The following POLR2B variants were observed in gnomAD, a reference collection of about 807,000 sequenced individuals.
POLR2B encodes the protein DNA-directed RNA polymerase II subunit RPB2.
In POLR2B, 57 loss-of-function variants were observed where a neutral mutation model predicts 144.6. That is an observed-to-expected ratio of 0.39 (90% CI 0.32 to 0.49). The LOEUF (loss-of-function observed/expected upper bound fraction) is 0.49. POLR2B is among the 20% of genes least tolerant of loss of function. The pLI is 0.83. For missense variants in POLR2B, 595 were observed against 1,467.4 expected (o/e 0.41, Z 9.71); for synonymous variants, 442 against 469.8 (o/e 0.94, Z 0.77).
intron 13 of POLR2B, 58 bp downstream of exon 13, chr4:57,011,158 C>G (rs1723176174): frequency 4.8e-6 from 5 of 1,039,678 alleles, no homozygotes; most frequent in Non-Finnish European, 7.6e-6. Context: ...AGGCATAGGA[C>G]TAGTGAAAGT....
At chr4:57,003,155 G>A (rs1722905376) in intron 7 of POLR2B, among the ~76,000 whole-genome samples, 1 of 152,122 alleles carries the variant, frequency 6.6e-6, no homozygotes, top group Admixed American at 6.6e-5. Context: ...CTTTGGGCTG[G>A]GTGCGGTGGC....
intron 7 of POLR2B, among the ~76,000 whole-genome samples, chr4:57,000,870 A>G (rs1047304823): frequency 1.3e-5 from 2 of 151,864 alleles, no homozygotes; most frequent in Admixed American, 1.3e-4. Context: ...TAATTTTTGT[A>G]TTTTTAGTAG....
At chr4:57,024,331 A>ATAGT (rs112938173) in intron 21 of POLR2B, among the ~76,000 whole-genome samples, 6 of 151,910 alleles carry the variant, frequency 3.9e-5, no homozygotes, top group Non-Finnish European at 8.8e-5. Flanking sequence ...CATTCAACTA[A>ATAGT]TACATATGTG....
At chr4:57,026,599 C>T (rs1279956292) in intron 23 of POLR2B, among the ~76,000 whole-genome samples, 1 of 151,804 alleles carries the variant, frequency 6.6e-6, no homozygotes, top group Non-Finnish European at 1.5e-5. Context: ...TACGTGTTAA[C>T]ATAAATAACA....
chr4:56,994,389 T>G lies in POLR2B; in HGVS notation c.244-15T>G, dbSNP rs1460379761. On this transcript the variant is annotated splice_polypyrimidine_tract_variant and intron_variant, in intron 3 of 24. Coordinates refer to ENST00000314595, the MANE Select transcript of POLR2B (RefSeq NM_000938.3). ...AAATTATTTACCCTTTTCATGTTTTTTTGTTTAATTTCAGCCACGATATTT... is the reference window on the plus strand; with the variant it reads ...AAATTATTTACCCTTTTCATGTTTTGTTGTTTAATTTCAGCCACGATATTT... The G allele has an allele frequency of 6.7e-6, 9 of 1,352,906 alleles. No homozygotes were observed. In the Admixed American group the frequency reaches 1.7e-4, roughly 25 times the overall value. The allele number at this position is 1,352,906 out of a possible 1,614,324, so 83.8% of individuals were successfully genotyped here.
At chr4:56,991,545 A>C (rs2109655692) in intron 3 of POLR2B, among the ~76,000 whole-genome samples, 1 of 152,308 alleles carries the variant, frequency 6.6e-6, no homozygotes, top group East Asian at 1.9e-4. Context: ...TGAGAAACAA[A>C]GTGAGGTAGG....
intron 17 of POLR2B, among the ~76,000 whole-genome samples, chr4:57,021,506 T>TTG (rs59215158): frequency 6.7e-5 from 10 of 149,914 alleles, no homozygotes; most frequent in African/African-American, 2.2e-4. Context: ...TTTTTTTTTT[T>TTG]GAGACAGAGT....
chr4:56,980,678 G>A (rs1306323095), intron 1 of POLR2B, among the ~76,000 whole-genome samples: 1 of 152,160 alleles, frequency 6.6e-6, no homozygotes, highest in Admixed American at 6.5e-5. Context: ...TGAGAACAAA[G>A]TGAGACCTTG....
At chr4:57,012,294 A>C (rs1019559340) in intron 13 of POLR2B, among the ~76,000 whole-genome samples, 1 of 152,130 alleles carries the variant, frequency 6.6e-6, no homozygotes, top group Non-Finnish European at 1.5e-5. Flanking sequence ...AGTCCCAGCT[A>C]CTCGGGAAGC....
chr4:57,030,417 T>G lies in POLR2B; in HGVS notation c.3435+18T>G, dbSNP rs1235279541. Reference sequence around the variant, plus strand: ...AAACCCAGGTGTGTATAGACTTTACTGGCAGTTGATATTTGTTTAGAGGAA... The same window carrying G: ...AAACCCAGGTGTGTATAGACTTTACGGGCAGTTGATATTTGTTTAGAGGAA... On this transcript the variant is annotated intron_variant, in intron 24 of 24. Coordinates refer to ENST00000314595, the MANE Select transcript of POLR2B (RefSeq NM_000938.3). The G allele has an allele frequency of 1.3e-6, 2 of 1,562,840 alleles. No homozygotes were observed. The highest frequency in any genetic ancestry group is 3.4e-4 in the Middle Eastern group (2 of 5,900).
Position 57,017,553 on chromosome 4 carries a change from C to T in POLR2B, c.2155-7C>T, listed in dbSNP as rs201193134. ...TTGTTGTTTCTGCTTTTCATTTTTACGTTTAGTCCCCTAGAAACACATACC... is the reference window on the plus strand; with the variant it reads ...TTGTTGTTTCTGCTTTTCATTTTTATGTTTAGTCCCCTAGAAACACATACC... On this transcript the variant is annotated splice_region_variant and splice_polypyrimidine_tract_variant and intron_variant, in intron 15 of 24. Coordinates refer to ENST00000314595, the MANE Select transcript of POLR2B (RefSeq NM_000938.3). This position sits in a 1 kb window ranked among gnomAD's most constrained non-coding sequence, Gnocchi z 4.8. The T allele has an allele frequency of 1.3e-5, 20 of 1,570,930 alleles. No homozygotes were observed. Among genetic ancestry groups the T allele is most frequent in the Non-Finnish European group, 1.5e-5 (17 of 1,162,662 alleles).
chr4:57,026,777 A>T (rs1723734838), intron 23 of POLR2B, among the ~76,000 whole-genome samples: 1 of 151,926 alleles, frequency 6.6e-6, no homozygotes, highest in African/African-American at 2.4e-5. Context: ...AAAACAAAAC[A>T]AAACAAAAAA....
At chr4:56,999,312 A>AT (rs1722785033) in intron 6 of POLR2B, among the ~76,000 whole-genome samples, 2 of 145,744 alleles carry the variant, frequency 1.4e-5, no homozygotes, top group Admixed American at 6.9e-5. Context: ...CAGTATTCAT[A>AT]TTTTTTTGCA....
At chr4:56,990,614 T>C (rs530695907) in intron 2 of POLR2B, 134 bp from the exon 3 acceptor site, 4 of 708,684 alleles carry the variant, frequency 5.6e-6, no homozygotes, top group African/African-American at 5.4e-5. Flanking sequence ...GTGTCTTGTT[T>C]AGTGGTTGAC....
chr4:57,030,922 C>T lies in POLR2B; in HGVS notation c.3459C>T (p.Tyr1153=), dbSNP rs767100886. 2.4e-5 allele frequency: 38 copies of T among 1,606,964 alleles called. No individual in the cohort carries two copies. Among genetic ancestry groups the T allele is most frequent in the Middle Eastern group, 3.3e-4 (2 of 6,056 alleles). The part of the protein sequence containing the change: ...KTQISLVRMP[Y]ACKLLFQELM... ...AGATTTCTTTGGTGCGAATGCCTTA[C>T]GCATGCAAACTATTGTTTCAGGAAC... Residue 1153 remains tyrosine, a synonymous_variant, in exon 25 of 25, where the codon TAC becomes TAT. Coordinates refer to ENST00000314595, the MANE Select transcript of POLR2B (RefSeq NM_000938.3).
intron 10 of POLR2B, among the ~76,000 whole-genome samples, chr4:57,008,461 C>G (rs1026062261): frequency 2.0e-5 from 3 of 152,162 alleles, no homozygotes; most frequent in Non-Finnish European, 4.4e-5. Flanking sequence ...CTCGGCCTCC[C>G]GAAGTGCTGG....
intron 16 of POLR2B, among the ~76,000 whole-genome samples, chr4:57,020,067 C>G (rs535458886): frequency 9.3e-4 from 141 of 152,274 alleles, no homozygotes; most frequent in Non-Finnish European, 3.1e-4. Flanking sequence ...CGGATTCTCG[C>G]TCTGCCACCA....
intron 10 of POLR2B, among the ~76,000 whole-genome samples, chr4:57,008,205 G>GA (rs1179552926): frequency 1.5e-5 from 1 of 64,776 alleles, no homozygotes; most frequent in Non-Finnish European, 3.2e-5. Context: ...TCAAGGAATT[G>GA]GTTTTTTTTT....
intron 21 of POLR2B, among the ~76,000 whole-genome samples, chr4:57,024,462 G>T (rs961618385): frequency 2.0e-5 from 3 of 152,078 alleles, no homozygotes; most frequent in African/African-American, 7.2e-5. Context: ...TTTGGTGGAG[G>T]TTTTCTATTT....
Sources: gnomAD v4.1 joint callset for allele counts (sites outside exome capture counted in the v4.1 genomes callset) on GRCh38, gnomAD v4.1.1 for gene constraint, Gnocchi (gnomAD v3.1) non-coding constraint, MANE v1.5 for transcripts, NCBI Gene and HGNC (gene_info 2026-07-23, HGNC 2026-07-21) for gene names.